The following GYS1 variants were observed in gnomAD, a reference collection of about 807,000 sequenced individuals.
GYS1 encodes the protein glycogen synthase 1.
GYS1 carries 60 observed loss-of-function variants against 89.1 expected under a neutral mutation model. That is an observed-to-expected ratio of 0.67 (90% confidence interval 0.55 to 0.84). The LOEUF (loss-of-function observed/expected upper bound fraction) is 0.84, where lower values mean the gene tolerates loss of function less well. GYS1 is among the 40% of genes least tolerant of loss of function. GYS1 has a pLI of 0.00. For missense variants in GYS1, 888 were observed against 1,003.1 expected, an observed-to-expected ratio of 0.89 and a Z score of 1.55; for synonymous variants, 366 against 401.7, an observed-to-expected ratio of 0.91 and a Z score of 1.06.
chr19:48,971,023 G>T lies in GYS1; in HGVS notation c.1550C>A (p.Ala517Asp). ...GGGGATTCCCATAACCGTGCACTCA[G>T]CTGCGGGAAGGCAGGAGAGAGACCC... ...SYYEPWGYTPAECTVMGIPSI... is the reference protein window; with the variant it reads ...SYYEPWGYTPDECTVMGIPSI... The change falls in exon 13 of 16, where the codon GCT (alanine) becomes GAT (aspartate). Residue 517 changes from alanine (A) to aspartate (D), a missense_variant and splice_region_variant. Coordinates refer to ENST00000323798, the MANE Select transcript of GYS1 (RefSeq NM_002103.5). The T allele has an allele frequency of 6.2e-7, 1 of 1,610,410 alleles. No homozygotes were observed. The highest frequency in any genetic ancestry group is 8.5e-7 in the Non-Finnish European group (1 of 1,176,526).
intron 2 of GYS1, among the ~76,000 whole-genome samples, chr19:48,989,390 G>A (rs2038888037): frequency 6.6e-6 from 1 of 151,128 alleles, no homozygotes; most frequent in African/African-American, 2.4e-5. Context: ...GCCGAGGCAG[G>A]AGAATTGCTT....
chr19:48,969,902 C>A lies in GYS1; in HGVS notation c.1810-47G>T, dbSNP rs187926274. 3 of 1,337,880 alleles carry A rather than the reference C, an allele frequency of 2.2e-6. No homozygotes were observed. In the African/African-American group the frequency reaches 4.3e-5, roughly 19 times the overall value. 82.9% of individuals were successfully genotyped at this position (1,337,880 alleles called of 1,614,324 possible). ...GGCAGAGGATGTGAGAGCCAGGCCCCACCCCCAGGCAGATGATGGGGGTCT... is the reference window on the plus strand; with the variant it reads ...GGCAGAGGATGTGAGAGCCAGGCCCAACCCCCAGGCAGATGATGGGGGTCT... On this transcript the variant is annotated intron_variant, in intron 14 of 15. Transcript: ENST00000323798.
At chr19:48,992,949 C>T (rs1412149325) in intron 1 of GYS1, 46 bp downstream of exon 1, 2 of 1,102,300 alleles carry the variant, frequency 1.8e-6, no homozygotes, top group South Asian at 1.2e-5. Context: ...GGCCCCCATC[C>T]ACTACTGTCC....
chr19:48,976,340 C>CT (rs1219652477), intron 10 of GYS1, among the ~76,000 whole-genome samples: 1 of 152,118 alleles, frequency 6.6e-6, no homozygotes, highest in African/African-American at 2.4e-5. Flanking sequence ...TGAAAGAACT[C>CT]TAACTCCCAG....
In GYS1 at chr19:48,970,150, T is replaced by G. The variant is rs2038535784; in HGVS notation, c.1810-295A>C. 7 of 499,834 alleles carry G rather than the reference T, an allele frequency of 1.4e-5. No homozygotes were observed. In the East Asian group the frequency reaches 2.6e-4, roughly 19 times the overall value. The allele number at this position is 499,834 out of a possible 1,614,324, so 31.0% of individuals were successfully genotyped here. A position where few individuals can be genotyped will look rare whatever the true frequency, so the allele number is the denominator to read the frequency against. On this transcript the variant is annotated intron_variant, in intron 14 of 15. Coordinates refer to ENST00000323798, the MANE Select transcript of GYS1 (RefSeq NM_002103.5). Reference sequence around the variant, plus strand: ...GTTCTTTTTTTCTTTTTAAACACGGTCTTGTTCTGTTACTCTAGGATGGAG... The same window carrying G: ...GTTCTTTTTTTCTTTTTAAACACGGGCTTGTTCTGTTACTCTAGGATGGAG...
In GYS1 at chr19:48,993,044, G is replaced by C; in HGVS notation, c.69C>G (p.Asp23Glu). 1.2e-6 allele frequency: 2 copies of C among 1,613,586 alleles called. No homozygotes were observed. Residue 23 changes from aspartate to glutamate, a missense_variant, in exon 1 of 16, where the codon GAC becomes GAG. Physicochemically the swap from Asp to Glu is conservative, Grantham distance 45. Transcript: ENST00000323798. ...PGLEDWEDEF[D>E]LENAVLFEVA... is the part of the protein sequence containing the mutation. ...CTTCGAAGAGCACTGCGTTCTCCAG[G>C]TCGAATTCATCCTCCCAGTCCTCCA... is the stretch of plus-strand genomic sequence containing the variant.
chr19:48,982,892 T>G (rs982014342), intron 5 of GYS1, 55 bp from the exon 6 acceptor site: 17 of 1,222,098 alleles, frequency 1.4e-5, no homozygotes, highest in Non-Finnish European at 1.9e-5. Flanking sequence ...ATCAATGTTG[T>G]GGTTGAATGA....
chr19:48,991,311 C>T lies in GYS1; in HGVS notation c.291G>A (p.Lys97=), dbSNP rs756642694. The T allele has an allele frequency of 6.2e-7, 1 of 1,613,754 alleles. No homozygotes were observed. The highest frequency in any genetic ancestry group is 1.3e-5 in the African/African-American group (1 of 74,958). ...CTGGGCCACGTCCCACCTTGCAGCC[C>T]TTGCTGTTCATGGAATCCAGTGTCC... ...LKRTLDSMNS[K]GCKVYFGRWL... Residue 97 remains lysine, a synonymous_variant, in exon 2 of 16, where the codon AAG becomes AAA. Transcript: ENST00000323798. The surrounding 1 kb of genome is among the most constrained non-coding windows in gnomAD (Gnocchi z 4.7).
chr19:48,979,380 GAC>G (rs2038716113), intron 8 of GYS1, among the ~76,000 whole-genome samples: 1 of 59,512 alleles, frequency 1.7e-5, no homozygotes, highest in African/African-American at 6.1e-5. Flanking sequence ...TTTTTTTTGA[GAC>G]AGAGTCTTGC....
chr19:48,976,447 G>GT (rs2038653502), intron 10 of GYS1, among the ~76,000 whole-genome samples: 2 of 152,072 alleles, frequency 1.3e-5, no homozygotes, highest in Non-Finnish European at 2.9e-5. Context: ...TAGAATGACG[G>GT]TAAGTTCTCA....
Position 48,969,590 on chromosome 19 carries a change from G to C in GYS1, c.1912C>G (p.Arg638Gly), listed in dbSNP as rs768327651. 9 of 1,538,260 alleles carry C rather than the reference G, an allele frequency of 5.9e-6. No individual in the cohort carries two copies. Among genetic ancestry groups the C allele is most frequent in the Non-Finnish European group, 7.8e-6 (9 of 1,147,196 alleles). Residue 638 changes from arginine (R) to glycine (G), a missense_variant, in exon 16 of 16, where the codon CGG becomes GGG. Transcript: ENST00000323798. ...ADAAQGYRYPRPASVPPSPSL... is the reference protein window; with the variant it reads ...ADAAQGYRYPGPASVPPSPSL... ...GGCGACGGTGGCACCGAGGCTGGCC[G>C]TGGGTAGCGGTACCCCTGGGCCTGC...
chr19:48,981,482 T>G, intron 8 of GYS1, 48 bp downstream of exon 8: 2 of 962,884 alleles, frequency 2.1e-6, no homozygotes, highest in Non-Finnish European at 3.4e-6. Flanking sequence ...ACCCAAAGCA[T>G]GCATCTGGGA....
chr19:48,981,210 T>A (rs913846789), intron 8 of GYS1, among the ~76,000 whole-genome samples: 3 of 151,468 alleles, frequency 2.0e-5, no homozygotes, highest in African/African-American at 7.3e-5. Flanking sequence ...ATCAGGAGTT[T>A]GAGACTAGTC....
chr19:48,984,325 C>A (rs182497768), intron 5 of GYS1, among the ~76,000 whole-genome samples: 3 of 151,306 alleles, frequency 2.0e-5, no homozygotes, highest in Non-Finnish European at 4.4e-5. Context: ...ATTTTTCAAC[C>A]TTATGATGGT....
chr19:48,978,757 C>T (rs2038701603), intron 8 of GYS1, among the ~76,000 whole-genome samples: 1 of 151,728 alleles, frequency 6.6e-6, no homozygotes, highest in African/African-American at 2.4e-5. Flanking sequence ...GTCTCGAACT[C>T]CTGACCTCTG....
chr19:48,978,257 C>T lies in GYS1; in HGVS notation c.1170-100G>A, dbSNP rs2038692475. 3 of 1,040,454 alleles carry T rather than the reference C, an allele frequency of 2.9e-6. No individual in the cohort carries two copies. The South Asian group carries it at 3.8e-5, about 13-fold the overall frequency. The allele number at this position is 1,040,454 out of a possible 1,614,324, so 64.5% of individuals were successfully genotyped here. A position where few individuals can be genotyped will look rare whatever the true frequency, so the allele number is the denominator to read the frequency against. On this transcript the variant is annotated intron_variant, in intron 8 of 15. Transcript: ENST00000323798. Reference sequence around the variant, plus strand: ...TTGTTTATTTTGAGACGGAGTTTGGCTCTTGTTGCCCAGGCTGGAATGCAA... The same window carrying T: ...TTGTTTATTTTGAGACGGAGTTTGGTTCTTGTTGCCCAGGCTGGAATGCAA...
rs1350042211 is a variant in GYS1 at position 48,969,171 on chromosome 19, G to T, written c.*117C>A. On this transcript the variant is annotated 3_prime_UTR_variant, in exon 16 of 16. Coordinates refer to ENST00000323798, the MANE Select transcript of GYS1 (RefSeq NM_002103.5). ...TGGAGTGTTTGGCGGACTGGGTGGG[G>T]GCACTGCGGGGCCACACCCAGTGCA... 1 of 901,152 alleles carries T rather than the reference G, an allele frequency of 1.1e-6. No individual in the cohort carries two copies. Among genetic ancestry groups the T allele is most frequent in the East Asian group, 2.6e-5 (1 of 37,824 alleles). The allele number at this position is 901,152 out of a possible 1,614,324, so 55.8% of individuals were successfully genotyped here.
At chr19:48,983,245 C>A (rs115825640) in intron 5 of GYS1, among the ~76,000 whole-genome samples, 62 of 152,296 alleles carry the variant, frequency 4.1e-4, no homozygotes, top group African/African-American at 1.4e-3. Context: ...CCTGCCCTGG[C>A]CTCCTAAAGT....
intron 5 of GYS1, among the ~76,000 whole-genome samples, chr19:48,984,387 T>G (rs2038808811): frequency 8.3e-6 from 1 of 120,974 alleles, no homozygotes; most frequent in Non-Finnish European, 1.7e-5. Context: ...TGATGAGATA[T>G]TCAACACTTT....
Sources: gnomAD v4.1 joint callset for allele counts (sites outside exome capture counted in the v4.1 genomes callset) on GRCh38, gnomAD v4.1.1 for gene constraint, Gnocchi (gnomAD v3.1) non-coding constraint, MANE v1.5 for transcripts, NCBI Gene and HGNC (gene_info 2026-07-23, HGNC 2026-07-21) for gene names.